The following LIG1 variants were observed in gnomAD, a reference collection of about 807,000 sequenced individuals.
LIG1 encodes the protein ligase I, DNA, ATP-dependent.
Under a neutral mutation model 115.7 loss-of-function variants are expected in LIG1, and 70 were observed. The ratio of observed to expected loss-of-function variants is 0.60; its 90% CI spans 0.50 to 0.74. The LOEUF is 0.74. Among genes scored for constraint, LIG1 ranks in the 30% least tolerant of loss-of-function variants. The pLI is 0.00. For synonymous variants in LIG1, 487 were observed against 495.3 expected (o/e 0.98, Z 0.22); for missense variants, 1,115 against 1,225.6 (o/e 0.91, Z 1.35).
intron 23 of LIG1, among the ~76,000 whole-genome samples, chr19:48,121,558 T>C (rs990588865): frequency 6.6e-6 from 1 of 152,076 alleles, no homozygotes; most frequent in African/African-American, 2.4e-5. Flanking sequence ...TCCCAGCATT[T>C]TGGGAGGCCG....
intron 9 of LIG1, 70 bp from the exon 10 acceptor site, chr19:48,144,033 T>C: frequency 1.6e-6 from 2 of 1,242,822 alleles, no homozygotes. Context: ...CTTCCAACTG[T>C]GATGTGCCAG....
chr19:48,127,648 T>C, intron 20 of LIG1: 1 of 612,210 alleles, frequency 1.6e-6, no homozygotes, highest in Non-Finnish European at 2.9e-6. Context: ...GGGGTGCAGG[T>C]TGTGGGGTTT....
chr19:48,153,772 A>T lies in LIG1; in HGVS notation c.466+100T>A, dbSNP rs146296744. 1.5e-3 allele frequency: 508 copies of T among 343,632 alleles called. 2 individuals are homozygous for T. The highest frequency in any genetic ancestry group is 2.8e-3 in the Middle Eastern group (4 of 1,428). 21.3% of individuals were successfully genotyped at this position (343,632 alleles called of 1,614,324 possible). On this transcript the variant is annotated intron_variant, in intron 6 of 27. Coordinates refer to ENST00000263274, the MANE Select transcript of LIG1 (RefSeq NM_000234.3). ...CACACACACACACACACACACACAC[A>T]CCTCTCCTTCTGGGGGCTCACCTTC...
intron 4 of LIG1, chr19:48,161,160 C>T: frequency 1.6e-6 from 1 of 639,858 alleles, no homozygotes; most frequent in Admixed American, 2.6e-5. Flanking sequence ...TTGAGGCATC[C>T]AAGACCTAAC....
At chr19:48,119,074 G>A (rs1461355906) in intron 25 of LIG1, 63 bp downstream of exon 25, 4 of 1,318,362 alleles carry the variant, frequency 3.0e-6, no homozygotes, top group Middle Eastern at 2.1e-4. Context: ...TGCATGGAAG[G>A]ACTGTGCTGT....
intron 9 of LIG1, among the ~76,000 whole-genome samples, chr19:48,148,027 C>T (rs2035231932): frequency 6.6e-6 from 1 of 151,906 alleles, no homozygotes; most frequent in South Asian, 2.1e-4. Context: ...GACAGTCTGA[C>T]TCAAGTGCTG....
intron 12 of LIG1, among the ~76,000 whole-genome samples, chr19:48,139,626 C>T (rs548883670): frequency 6.6e-6 from 1 of 152,274 alleles, no homozygotes; most frequent in South Asian, 2.1e-4. Flanking sequence ...TCCTTCCAAT[C>T]CCTCCAGTCA....
chr19:48,129,183 G>T (rs1256892567), intron 19 of LIG1, among the ~76,000 whole-genome samples: 1 of 151,862 alleles, frequency 6.6e-6, no homozygotes, highest in African/African-American at 2.4e-5. Context: ...CTCCCAAGTA[G>T]CTGGGACTAC....
chr19:48,128,247 T>C (rs1375966588), intron 19 of LIG1, among the ~76,000 whole-genome samples: 1 of 152,054 alleles, frequency 6.6e-6, no homozygotes, highest in Non-Finnish European at 1.5e-5. Flanking sequence ...CTAGGAGCTC[T>C]TGTCATCTCC....
At chr19:48,127,006 C>T in intron 21 of LIG1, 1 of 495,888 alleles carries the variant, frequency 2.0e-6, no homozygotes, top group African/African-American at 1.9e-5. Context: ...CTGCGTGCTT[C>T]TACGACACAC....
Position 48,131,189 on chromosome 19 carries a change from G to A in LIG1, c.1726-18C>T, listed in dbSNP as rs751056850. The A allele has an allele frequency of 3.7e-6, 6 of 1,602,752 alleles. No homozygotes were observed. Among genetic ancestry groups the A allele is most frequent in the Non-Finnish European group, 4.3e-6 (5 of 1,169,866 alleles). On this transcript the variant is annotated intron_variant, in intron 18 of 27. Coordinates refer to ENST00000263274, the MANE Select transcript of LIG1 (RefSeq NM_000234.3). ...GCGTGGATCTGTCACGATGGGAGAA[G>A]GGAGGGGAAATCAGCTGAGTCCCCT...
Position 48,139,282 on chromosome 19 carries a change from C to A in LIG1, c.1087+689G>T, listed in dbSNP as rs184331722. ...CAGGTGCCTGCCCCTCACCAGGGTCCCAAGCTGCCGACGGCTTTGTCATCC... is the reference window on the plus strand; with the variant it reads ...CAGGTGCCTGCCCCTCACCAGGGTCACAAGCTGCCGACGGCTTTGTCATCC... On this transcript the variant is annotated intron_variant, in intron 12 of 27. Coordinates refer to ENST00000263274, the MANE Select transcript of LIG1 (RefSeq NM_000234.3). Among the ~76,000 whole-genome samples, 4 of 152,320 alleles carry A rather than the reference C, an allele frequency of 2.6e-5. No homozygotes were observed. In the East Asian group the frequency reaches 7.7e-4, roughly 29 times the overall value.
chr19:48,144,423 G>A (rs2034984845), intron 9 of LIG1, among the ~76,000 whole-genome samples: 1 of 152,148 alleles, frequency 6.6e-6, no homozygotes, highest in South Asian at 2.1e-4. Flanking sequence ...AGAGGGAGGT[G>A]CGTATAGTCC....
Position 48,150,189 on chromosome 19 carries a change from C to T in LIG1, c.596G>A (p.Ser199Asn). The T allele has an allele frequency of 5.0e-6, 8 of 1,614,204 alleles. No individual in the cohort carries two copies. Among genetic ancestry groups the T allele is most frequent in the Non-Finnish European group, 6.8e-6 (8 of 1,180,042 alleles). Residue 199 changes from serine to asparagine, a missense_variant, in exon 8 of 28, where the codon AGC becomes AAC. Transcript: ENST00000263274. ...CGTGGCCACCTCAGGCTCTGAAACG[C>T]TTTCCGTCGGGGTCTCTGCTTCTGC... is the stretch of plus-strand genomic sequence containing the variant. ...KTSKAETPTESVSEPEVATKQ... is the reference protein window; with the variant it reads ...KTSKAETPTENVSEPEVATKQ...
intron 9 of LIG1, 49 bp from the exon 10 acceptor site, chr19:48,144,012 CAA>C (rs1275152686): frequency 5.7e-6 from 8 of 1,396,054 alleles, no homozygotes; most frequent in African/African-American, 1.4e-5. Context: ...TGGGTCAAAG[CAA>C]AGTCATTCCT....
chr19:48,120,354 A>G (rs1355701229), intron 24 of LIG1: 81 of 985,326 alleles, frequency 8.2e-5, no homozygotes, highest in Non-Finnish European at 9.5e-5. Context: ...AAGGCAGAAA[A>G]GAAAATTACT....
intron 10 of LIG1, 71 bp from the exon 11 acceptor site, chr19:48,143,670 C>T (rs2034928386): frequency 2.9e-6 from 4 of 1,372,812 alleles, no homozygotes; most frequent in Admixed American, 1.7e-5. Context: ...TGCACCCTTG[C>T]TTCCTCACGC....
intron 21 of LIG1, chr19:48,126,967 A>G (rs2033710951): frequency 5.2e-6 from 2 of 382,064 alleles, no homozygotes; most frequent in African/African-American, 2.0e-5. Context: ...AAATCCTCTA[A>G]TATCTGGCTT....
In LIG1 at chr19:48,126,449, T is replaced by C. The variant is rs140363101; in HGVS notation, c.2004+828A>G. On this transcript the variant is annotated intron_variant, in intron 21 of 27. Transcript: ENST00000263274. ...GGTGAAACCCCGTCTCTACTAAAAATACAAAAATTAGCTGGACCTGGTGGT... is the reference window on the plus strand; with the variant it reads ...GGTGAAACCCCGTCTCTACTAAAAACACAAAAATTAGCTGGACCTGGTGGT... Among the ~76,000 whole-genome samples, 467 of 152,004 alleles carry C rather than the reference T, an allele frequency of 3.1e-3. 6 individuals carry two copies. The highest frequency in any genetic ancestry group is 0.011 in the African/African-American group (438 of 41,434).
Sources: allele counts gnomAD v4.1 joint callset (sites outside exome capture counted in the v4.1 genomes callset), GRCh38; gene constraint gnomAD v4.1.1; transcripts MANE v1.5; gene names NCBI Gene and HGNC (gene_info 2026-07-23, HGNC 2026-07-21).